The following SHISA9 variants were observed in gnomAD, a reference collection of about 807,000 sequenced individuals.
SHISA9 encodes shisa family member 9.
In SHISA9, 13 loss-of-function variants were observed where a neutral mutation model predicts 38.0. That is an observed-to-expected ratio of 0.34 (90% CI 0.22 to 0.54). The LOEUF is 0.54. Among genes scored for constraint, SHISA9 ranks in the 20% least tolerant of loss-of-function variants. The probability of loss-of-function intolerance (pLI) is 0.91; values close to 1 mark genes in which losing one functional copy is unlikely to be tolerated. For synonymous variants in SHISA9, 275 were observed against 242.0 expected (o/e 1.14, Z -1.27); for missense variants, 538 against 575.8 (o/e 0.93, Z 0.67).
chr16:13,382,735 G>A, the SHISA9 span, among the ~76,000 whole-genome samples: 1 of 151,660 alleles, frequency 6.6e-6, no homozygotes, highest in African/African-American at 2.4e-5. Context: ...GCAGGCGCCT[G>A]TAATCCCAGC....
At chr16:12,989,642 G>T (rs1048278758) in intron 2 of SHISA9, among the ~76,000 whole-genome samples, 1 of 151,834 alleles carries the variant, frequency 6.6e-6, no homozygotes, top group Non-Finnish European at 1.5e-5. Flanking sequence ...AAATAATTTT[G>T]TTCTTTGCTT....
At chr16:12,906,308 A>T (rs1370772047) in intron 1 of SHISA9, among the ~76,000 whole-genome samples, 1 of 152,192 alleles carries the variant, frequency 6.6e-6, no homozygotes, top group East Asian at 1.9e-4. Flanking sequence ...CCCCCATTAT[A>T]AACTTTGCCC....
chr16:13,425,346 G>C, the SHISA9 span, among the ~76,000 whole-genome samples: 1 of 152,198 alleles, frequency 6.6e-6, no homozygotes. Flanking sequence ...AATTATCCAG[G>C]CATGGTGGCA....
intron 2 of SHISA9, among the ~76,000 whole-genome samples, chr16:12,923,558 G>A (rs977048496): frequency 6.6e-6 from 1 of 151,918 alleles, no homozygotes; most frequent in South Asian, 2.1e-4. Context: ...TTTGGGAGAC[G>A]GTAATGAAAC....
intron 2 of SHISA9, among the ~76,000 whole-genome samples, chr16:13,003,028 C>T (rs1364396082): frequency 6.6e-6 from 1 of 152,056 alleles, no homozygotes; most frequent in South Asian, 2.1e-4. Flanking sequence ...TGAGCTGAAA[C>T]CTGAAGGAAT....
At chr16:13,051,399 G>A (rs969474648) in intron 2 of SHISA9, among the ~76,000 whole-genome samples, 1 of 152,094 alleles carries the variant, frequency 6.6e-6, no homozygotes, top group Non-Finnish European at 1.5e-5. Context: ...CCCTTGACTC[G>A]GGTTTATTAA....
At chr16:13,041,959 C>A (rs2073136826) in intron 2 of SHISA9, among the ~76,000 whole-genome samples, 1 of 152,230 alleles carries the variant, frequency 6.6e-6, no homozygotes. Context: ...CTCCCTCTTG[C>A]CTAATACCCG....
At chr16:13,347,753 T>C in the SHISA9 span, among the ~76,000 whole-genome samples, 6 of 152,310 alleles carry the variant, frequency 3.9e-5, no homozygotes, top group African/African-American at 9.6e-5. Context: ...GAATTTCTTC[T>C]TTTTCTTCAC....
intron 2 of SHISA9, among the ~76,000 whole-genome samples, chr16:12,962,998 C>G (rs932027041): frequency 3.3e-5 from 5 of 152,176 alleles, no homozygotes; most frequent in African/African-American, 4.8e-5. Flanking sequence ...TTGCCCCATC[C>G]TGATCCTACT....
chr16:12,915,986 G>T (rs2071248627), intron 1 of SHISA9, among the ~76,000 whole-genome samples: 1 of 124,382 alleles, frequency 8.0e-6, no homozygotes, highest in South Asian at 2.9e-4. Flanking sequence ...TGAACACTGA[G>T]TTTTTTTTTT....
chr16:13,168,240 T>G (rs964517012), intron 2 of SHISA9, among the ~76,000 whole-genome samples: 3 of 152,334 alleles, frequency 2.0e-5, no homozygotes, highest in Admixed American at 2.0e-4. Context: ...GGGCCAGTGA[T>G]TAAGATTTAG....
chr16:13,041,358 C>G (rs2073129818), intron 2 of SHISA9, among the ~76,000 whole-genome samples: 1 of 152,204 alleles, frequency 6.6e-6, no homozygotes, highest in Admixed American at 6.5e-5. Flanking sequence ...TGTCTCTACC[C>G]TGGGCTTGGC....
the SHISA9 span, among the ~76,000 whole-genome samples, chr16:13,420,233 G>A: frequency 1.2e-5 from 1 of 80,892 alleles, no homozygotes; most frequent in Non-Finnish European, 2.2e-5. Context: ...GCAACAGAGT[G>A]AGAATCTGTT....
chr16:12,989,952 C>T (rs572752277), intron 2 of SHISA9, among the ~76,000 whole-genome samples: 34 of 152,202 alleles, frequency 2.2e-4, no homozygotes, highest in African/African-American at 7.7e-4. Context: ...CCTGACAGAC[C>T]CTGGTGTGTG....
chr16:13,341,323 C>T, the SHISA9 span, among the ~76,000 whole-genome samples: 1 of 152,118 alleles, frequency 6.6e-6, no homozygotes, highest in African/African-American at 2.4e-5. Flanking sequence ...TCTGCAGATT[C>T]AATAAAAGAC....
chr16:13,385,831 A>T, the SHISA9 span, among the ~76,000 whole-genome samples: 1 of 152,254 alleles, frequency 6.6e-6, no homozygotes, highest in Non-Finnish European at 1.5e-5. Flanking sequence ...AAAAGGAACA[A>T]ACTACTGGTA....
chr16:13,492,348 G>C, the SHISA9 span, among the ~76,000 whole-genome samples: 1 of 152,156 alleles, frequency 6.6e-6, no homozygotes, highest in South Asian at 2.1e-4. Flanking sequence ...GAGGTTAACG[G>C]TGTTCTTGGA....
Position 13,030,664 on chromosome 16 carries a change from A to G in SHISA9, c.691+113849A>G, listed in dbSNP as rs149501712. On this transcript the variant is annotated intron_variant, in intron 2 of 4. Transcript: ENST00000558583. The stretch of plus-strand genomic sequence containing the variant: ...TTGACTAGAATTACAGCAACATTGT[A>G]TAGTGTCACAGTGTAGTACAGTTAC... Among the ~76,000 whole-genome samples, 833 of 152,350 alleles carry G rather than the reference A, an allele frequency of 5.5e-3. 30 individuals carry two copies. The highest frequency in any genetic ancestry group is 0.015 in the East Asian group (78 of 5,188).
chr16:13,414,836 T>C, the SHISA9 span, among the ~76,000 whole-genome samples: 1 of 152,122 alleles, frequency 6.6e-6, no homozygotes, highest in African/African-American at 2.4e-5. Context: ...TTTCACCATG[T>C]TAGCCAGGCT....
Sources: gnomAD v4.1 joint callset for allele counts (sites outside exome capture counted in the v4.1 genomes callset) on GRCh38, gnomAD v4.1.1 for gene constraint, MANE v1.5 for transcripts, NCBI Gene and HGNC (gene_info 2026-07-23, HGNC 2026-07-21) for gene names.